The following ME1 variants were observed in gnomAD, a reference collection of about 807,000 sequenced individuals.
ME1 encodes the protein NADP-dependent malic enzyme.
Under a neutral mutation model 66.4 loss-of-function variants are expected in ME1, and 74 were observed. That is an observed-to-expected ratio of 1.11 (90% CI 0.92 to 1.35). The LOEUF (loss-of-function observed/expected upper bound fraction) is 1.35. Among genes scored for constraint, ME1 ranks in the 40% most tolerant of loss-of-function variants. The pLI, the probability that ME1 is intolerant of heterozygous loss-of-function variation, is 0.00. For synonymous variants in ME1, 251 were observed against 235.6 expected, an observed-to-expected ratio of 1.07 and a Z score of -0.60; for missense variants, 750 against 694.1, an observed-to-expected ratio of 1.08 and a Z score of -0.90.
At position 83,212,070 on chromosome 6, in the gene ME1, T is replaced by A. The variant is rs769405033; in HGVS notation, c.1573A>T (p.Lys525Ter). The change falls in exon 14 of 14, where the codon AAG becomes TAG. Residue 525 changes from lysine (K) to a stop codon, truncating the protein, a stop_gained. Coordinates refer to ENST00000369705, the MANE Select transcript of ME1 (RefSeq NM_002395.6). LOFTEE classifies it high-confidence loss of function. The part of the protein sequence containing the change: ...EKIVKDAYQE[K>*]TATVYPEPQN... ...GGTTCAGGATAAACTGTGGCTGTCTTTTCTTGGTATGCATCTTTCACAATC... is the reference window on the plus strand; with the variant it reads ...GGTTCAGGATAAACTGTGGCTGTCTATTCTTGGTATGCATCTTTCACAATC... The A allele has an allele frequency of 1.9e-6, 3 of 1,608,492 alleles. No individual in the cohort carries two copies. Among genetic ancestry groups the A allele is most frequent in the African/African-American group, 1.3e-5 (1 of 74,854 alleles).
intron 10 of ME1, among the ~76,000 whole-genome samples, chr6:83,228,196 C>A (rs1320820609): frequency 6.6e-6 from 1 of 152,138 alleles, no homozygotes; most frequent in Non-Finnish European, 1.5e-5. Context: ...TCTAAAACCA[C>A]TTTAAAGTCT....
intron 5 of ME1, among the ~76,000 whole-genome samples, chr6:83,322,230 A>G (rs536030114): frequency 1.3e-5 from 2 of 152,120 alleles, no homozygotes; most frequent in South Asian, 4.1e-4. Context: ...AATTCCAAAA[A>G]CCAGAATAAC....
At chr6:83,401,958 C>A (rs1769848770) in intron 2 of ME1, among the ~76,000 whole-genome samples, 1 of 152,212 alleles carries the variant, frequency 6.6e-6, no homozygotes, top group Non-Finnish European at 1.5e-5. Context: ...GCTTTCCCTG[C>A]ATGCAATGCT....
At chr6:83,275,350 A>AAATAATAAT (rs142521561) in intron 6 of ME1, among the ~76,000 whole-genome samples, 1 of 150,006 alleles carries the variant, frequency 6.7e-6, no homozygotes, top group Non-Finnish European at 1.5e-5. Flanking sequence ...AGAAACAAAC[A>AAATAATAAT]AATAATAATA....
intron 2 of ME1, among the ~76,000 whole-genome samples, chr6:83,403,805 C>T (rs1463811577): frequency 6.6e-6 from 1 of 152,138 alleles, no homozygotes; most frequent in East Asian, 1.9e-4. Context: ...TCCAGCTTAT[C>T]GATGTCCCTG....
chr6:83,424,329 GT>G (rs1448148532), intron 1 of ME1, among the ~76,000 whole-genome samples: 1 of 151,594 alleles, frequency 6.6e-6, no homozygotes, highest in African/African-American at 2.4e-5. Flanking sequence ...ACCAGACCAA[GT>G]ACTAAAAACA....
intron 6 of ME1, among the ~76,000 whole-genome samples, chr6:83,271,201 AAG>A (rs1487448449): frequency 6.6e-6 from 1 of 152,196 alleles, no homozygotes; most frequent in Admixed American, 6.5e-5. Context: ...TAGGATTATT[AAG>A]TAGTAACTAA....
intron 6 of ME1, among the ~76,000 whole-genome samples, chr6:83,291,635 C>T (rs1318873252): frequency 1.3e-5 from 2 of 152,028 alleles, no homozygotes; most frequent in Non-Finnish European, 2.9e-5. Flanking sequence ...CTGTGGTGTT[C>T]TCTGTATTTC....
At chr6:83,244,161 A>AT (rs1327365560) in intron 7 of ME1, among the ~76,000 whole-genome samples, 1 of 151,936 alleles carries the variant, frequency 6.6e-6, no homozygotes, top group Non-Finnish European at 1.5e-5. Context: ...CAGGAGCGAG[A>AT]TTGGAAAAAT....
In ME1 at chr6:83,362,628, C is replaced by A. The variant is rs1206347341; in HGVS notation, c.363-10489G>T. The stretch of plus-strand genomic sequence containing the variant: ...CAACACTGAGCCCTCGATATGGTGC[C>A]ATTCCTTGGGGTGATCAGCCAGCTA... On this transcript the variant is annotated intron_variant, in intron 3 of 13. Transcript: ENST00000369705. 2.0e-5 allele frequency among the ~76,000 whole-genome samples: 3 copies of A among 152,352 alleles called. No individual in the cohort carries two copies. In the East Asian group the frequency reaches 5.8e-4, roughly 29 times the overall value.
chr6:83,246,498 C>T (rs1359836907), intron 7 of ME1, among the ~76,000 whole-genome samples: 3 of 152,050 alleles, frequency 2.0e-5, no homozygotes, highest in Non-Finnish European at 2.9e-5. Context: ...ACTATTTTAA[C>T]ATGCTTTTTA....
chr6:83,389,313 C>A (rs1305777052), intron 3 of ME1, among the ~76,000 whole-genome samples: 2 of 152,042 alleles, frequency 1.3e-5, no homozygotes, highest in Non-Finnish European at 2.9e-5. Flanking sequence ...TTCTAAGTTA[C>A]AATTTCTCTG....
At chr6:83,331,585 CAAAAA>C (rs1222661961) in intron 5 of ME1, among the ~76,000 whole-genome samples, 2 of 73,262 alleles carry the variant, frequency 2.7e-5, no homozygotes, top group Admixed American at 1.6e-4. Context: ...GACTCCATCT[CAAAAA>C]AAAAAAAAAA....
chr6:83,391,750 G>A (rs2128549838), intron 3 of ME1, among the ~76,000 whole-genome samples: 1 of 152,106 alleles, frequency 6.6e-6, no homozygotes, highest in African/African-American at 2.4e-5. Context: ...TCCTGCTTCT[G>A]GTCTCCAGGC....
At chr6:83,313,475 T>G (rs1416133988) in intron 6 of ME1, among the ~76,000 whole-genome samples, 2 of 152,194 alleles carry the variant, frequency 1.3e-5, no homozygotes, top group Non-Finnish European at 2.9e-5. Context: ...TCCCAAAACT[T>G]TTCATTGATT....
intron 1 of ME1, among the ~76,000 whole-genome samples, chr6:83,426,332 A>C (rs1009610601): frequency 6.6e-6 from 1 of 152,250 alleles, no homozygotes; most frequent in Admixed American, 6.5e-5. Flanking sequence ...TATCAAACTC[A>C]CCTTTCTTAT....
intron 6 of ME1, among the ~76,000 whole-genome samples, chr6:83,295,555 G>A (rs919143676): frequency 6.6e-6 from 1 of 151,946 alleles, no homozygotes; most frequent in Non-Finnish European, 1.5e-5. Context: ...TGTCGCCCAG[G>A]CTGGAGTGCA....
intron 6 of ME1, among the ~76,000 whole-genome samples, chr6:83,258,910 C>T (rs1442782879): frequency 6.6e-6 from 1 of 152,120 alleles, no homozygotes; most frequent in Non-Finnish European, 1.5e-5. Flanking sequence ...TCTGAAAATA[C>T]TGCACTGATA....
intron 5 of ME1, among the ~76,000 whole-genome samples, chr6:83,321,877 T>C (rs1768182847): frequency 6.6e-6 from 1 of 151,908 alleles, no homozygotes; most frequent in Non-Finnish European, 1.5e-5. Flanking sequence ...CCAGCAAGGG[T>C]CAACAGACAC....
Sources: gnomAD v4.1 joint callset for allele counts (sites outside exome capture counted in the v4.1 genomes callset) on GRCh38, gnomAD v4.1.1 for gene constraint, MANE v1.5 for transcripts, NCBI Gene and HGNC (gene_info 2026-07-23, HGNC 2026-07-21) for gene names.